The following WDR3 variants were observed in gnomAD, a reference collection of about 807,000 sequenced individuals.
The protein encoded by WDR3 is WD repeat-containing protein 3.
In WDR3, 81 loss-of-function variants were observed where a neutral mutation model predicts 123.7. That is an observed-to-expected ratio of 0.65 (90% CI 0.55 to 0.79). The LOEUF is 0.79. Ranked by LOEUF, WDR3 falls within the 30% of genes least tolerant of loss-of-function variation. WDR3 has a pLI of 0.00. For synonymous variants in WDR3, 390 were observed against 388.8 expected (o/e 1.00, Z -0.04); for missense variants, 1,027 against 1,123.2 (o/e 0.91, Z 1.22).
intron 23 of WDR3, 112 bp downstream of exon 23, chr1:117,954,739 C>T: frequency 9.1e-7 from 1 of 1,093,184 alleles, no homozygotes; most frequent in Non-Finnish European, 1.3e-6. Context: ...AATACTTTGT[C>T]TTCAAAAGTC....
chr1:117,941,323 C>A, intron 8 of WDR3, 98 bp downstream of exon 8: 2 of 1,194,330 alleles, frequency 1.7e-6, no homozygotes, highest in South Asian at 1.4e-5. Context: ...TTTCTTGACT[C>A]ATGTTAATAA....
At chr1:117,952,807 C>T (rs1318490795) in intron 19 of WDR3, 139 bp from the exon 20 acceptor site, 36 of 1,429,508 alleles carry the variant, frequency 2.5e-5, no homozygotes, top group Non-Finnish European at 3.2e-5. Context: ...CATTGTCACC[C>T]ATTTCAGAAG....
chr1:117,949,019 C>T (rs1439906490), intron 13 of WDR3, among the ~76,000 whole-genome samples: 1 of 151,798 alleles, frequency 6.6e-6, no homozygotes, highest in Non-Finnish European at 1.5e-5. Flanking sequence ...AATTTTGGCC[C>T]ATTTATTTAA....
chr1:117,952,176 A>C, intron 17 of WDR3, 100 bp downstream of exon 17: 2 of 1,471,518 alleles, frequency 1.4e-6, no homozygotes, highest in Non-Finnish European at 9.4e-7. Context: ...AGGCAGTGAT[A>C]CAAGTTCTAA....
At position 117,941,789 on chromosome 1, in the gene WDR3, A is replaced by G; in HGVS notation, c.931A>G (p.Lys311Glu). The G allele has an allele frequency of 6.2e-7, 1 of 1,611,184 alleles. No homozygotes were observed. The highest frequency in any genetic ancestry group is 8.5e-7 in the Non-Finnish European group (1 of 1,179,326). The change falls in exon 9 of 27, where the codon AAA (lysine) becomes GAA (glutamate). Residue 311 changes from lysine to glutamate, a missense_variant. Coordinates refer to ENST00000349139, the MANE Select transcript of WDR3 (RefSeq NM_006784.3). ...GCTAGAATTGTTTTGTATCCTTTCC[A>G]AAAAGGAAATTCAGAAGAAAATGGA... ...SVLELFCILS[K>E]KEIQKKMDKK...
In WDR3 at chr1:117,941,796, A is replaced by T. The variant is rs750596339; in HGVS notation, c.938A>T (p.Glu313Val). The T allele has an allele frequency of 6.2e-6, 10 of 1,610,828 alleles. No individual in the cohort carries two copies. The South Asian group carries it at 1.0e-4, about 16-fold the overall frequency. Residue 313 changes from glutamate (E) to valine (V), a missense_variant, in exon 9 of 27, where the codon GAA (glutamate) becomes GTA (valine). By Grantham distance (121) the Glu-to-Val change is moderately radical. Coordinates refer to ENST00000349139, the MANE Select transcript of WDR3 (RefSeq NM_006784.3). ...LELFCILSKK[E>V]IQKKMDKKMK... Reference sequence around the variant, plus strand: ...TTGTTTTGTATCCTTTCCAAAAAGGAAATTCAGAAGAAAATGGATAAGAAG... The same window carrying T: ...TTGTTTTGTATCCTTTCCAAAAAGGTAATTCAGAAGAAAATGGATAAGAAG...
chr1:117,949,296 A>G (rs531029254), intron 13 of WDR3, among the ~76,000 whole-genome samples: 21 of 152,242 alleles, frequency 1.4e-4, no homozygotes, highest in African/African-American at 4.6e-4. Flanking sequence ...CCAGTGTTCT[A>G]TGTACTTTAC....
At chr1:117,943,651 G>C (rs1651264861) in intron 11 of WDR3, 25 bp downstream of exon 11, 1 of 1,603,552 alleles carries the variant, frequency 6.2e-7, no homozygotes, top group Non-Finnish European at 8.5e-7. Context: ...GTTTTATATA[G>C]CTGTAGTTAG....
chr1:117,951,985 CT>C lies in WDR3; in HGVS notation c.1814del (p.Leu605ProfsTer2). ...CTTTTATTTCTCATAGGATGGAGCA[CT>C]CATAGCAACTGGCTCCGCTGATAGG... ...ICMDISHDGA[L>X]IATGSADRNV... On this transcript the variant is annotated frameshift_variant, in exon 17 of 27. Transcript: ENST00000349139. LOFTEE classifies it high-confidence loss of function. 1 of 1,613,010 alleles carries C rather than the reference CT, an allele frequency of 6.2e-7. No homozygotes were observed. The highest frequency in any genetic ancestry group is 8.5e-7 in the Non-Finnish European group (1 of 1,179,268).
In WDR3 at chr1:117,954,552, A is replaced by G; in HGVS notation, c.2362-28A>G. 4 of 1,608,672 alleles carry G rather than the reference A, an allele frequency of 2.5e-6. No homozygotes were observed. The East Asian group carries it at 8.9e-5, about 36-fold the overall frequency. The stretch of plus-strand genomic sequence containing the variant: ...TGCTACCTAAGTCTCAGTTTTTTTA[A>G]TGACTTGATTTAATAATTTCTTCAT... On this transcript the variant is annotated intron_variant, in intron 22 of 26. Coordinates refer to ENST00000349139, the MANE Select transcript of WDR3 (RefSeq NM_006784.3).
chr1:117,938,559 G>T lies in WDR3; in HGVS notation c.579+1G>T. ...AACAATGGTTGGCCACCGGACTGAG[G>T]TAAGTGTAGGGTCATGGGCCCAGGG... On this transcript the variant is annotated splice_donor_variant, in intron 5 of 26. Coordinates refer to ENST00000349139, the MANE Select transcript of WDR3 (RefSeq NM_006784.3). LOFTEE classifies it high-confidence loss of function. 1.2e-6 allele frequency: 2 copies of T among 1,613,006 alleles called. No homozygotes were observed. Among genetic ancestry groups the T allele is most frequent in the Non-Finnish European group, 1.7e-6 (2 of 1,179,166 alleles).
intron 6 of WDR3, among the ~76,000 whole-genome samples, chr1:117,940,125 T>G (rs1651091049): frequency 6.6e-6 from 1 of 152,214 alleles, no homozygotes; most frequent in Non-Finnish European, 1.5e-5. Flanking sequence ...GCTTTTGCAA[T>G]TCCTAATGCC....
intron 15 of WDR3, 79 bp downstream of exon 15, chr1:117,950,209 T>G (rs1012565179): frequency 1.3e-6 from 2 of 1,539,240 alleles, no homozygotes; most frequent in Admixed American, 3.7e-5. Flanking sequence ...TATAAAGAAG[T>G]GGCCTTGACT....
At chr1:117,941,887 T>G (rs200344092) in intron 9 of WDR3, 40 bp downstream of exon 9, 8 of 1,552,030 alleles carry the variant, frequency 5.2e-6, no homozygotes, top group East Asian at 4.7e-5. Context: ...TGAAGTATCC[T>G]GGGTAGGCCC....
Position 117,961,912 on chromosome 1 carries a change from A to G in WDR3, c.*2465A>G, listed in dbSNP as rs913633999. On this transcript the variant is annotated 3_prime_UTR_variant, in exon 27 of 27. Transcript: ENST00000349139. The stretch of plus-strand genomic sequence containing the variant: ...CCAGGGAGAGGAGTTAATTCTTGAA[A>G]AAAAATTTAATTTTTTATGAGAACA... The G allele has an allele frequency of 6.6e-6, 1 of 152,280 alleles. No homozygotes were observed. Among genetic ancestry groups the G allele is most frequent in the Non-Finnish European group, 1.5e-5 (1 of 68,026 alleles). The allele number at this position is 152,280 out of a possible 1,614,324, so 9.4% of individuals were successfully genotyped here. A position where few individuals can be genotyped will look rare whatever the true frequency, so the allele number is the denominator to read the frequency against.
chr1:117,939,105 G>A (rs1279760733), intron 5 of WDR3, among the ~76,000 whole-genome samples: 1 of 152,236 alleles, frequency 6.6e-6, no homozygotes, highest in Non-Finnish European at 1.5e-5. Flanking sequence ...TGAAAGTTAT[G>A]CAATGGACAT....
Position 117,957,115 on chromosome 1 carries a change from A to C in WDR3, c.2501A>C (p.Asp834Ala). The C allele has an allele frequency of 6.2e-7, 1 of 1,611,084 alleles. No individual in the cohort carries two copies. Among genetic ancestry groups the C allele is most frequent in the Non-Finnish European group, 8.5e-7 (1 of 1,178,836 alleles). Residue 834 changes from aspartate (D) to alanine (A), a missense_variant, in exon 25 of 27, where the codon GAC becomes GCC. Asp to Ala is a moderately radical substitution (Grantham distance 126). Transcript: ENST00000349139. ...LLVLPFSYVP[D>A]ILKLFNEFIQ... ...GTGCTGCCTTTCTCTTATGTCCCAG[A>C]CATTCTTAAACTCTTTAACGAATTC...
Position 117,949,766 on chromosome 1 carries a change from G to C in WDR3, c.1540G>C (p.Gly514Arg). ...LSPDQRGFVTGGADKSVKFWD... is the reference protein window; with the variant it reads ...LSPDQRGFVTRGADKSVKFWD... ...TGATTTTCAGCGTGGCTTTGTGACA[G>C]GTGGTGCAGATAAATCTGTCAAATT... The change falls in exon 14 of 27, where the codon GGT becomes CGT. Residue 514 changes from glycine to arginine, a missense_variant. By Grantham distance (125) the Gly-to-Arg change is moderately radical. Coordinates refer to ENST00000349139, the MANE Select transcript of WDR3 (RefSeq NM_006784.3). 1 of 1,613,702 alleles carries C rather than the reference G, an allele frequency of 6.2e-7. No homozygotes were observed. Among genetic ancestry groups the C allele is most frequent in the Non-Finnish European group, 8.5e-7 (1 of 1,179,756 alleles).
chr1:117,959,300 CGGCTTCAATATG>C lies in WDR3; in HGVS notation c.2687_2698del (p.Gly896_Met899del). 1.2e-6 allele frequency: 2 copies of C among 1,610,186 alleles called. No homozygotes were observed. The highest frequency in any genetic ancestry group is 1.7e-6 in the Non-Finnish European group (2 of 1,179,010). Reference sequence around the variant, plus strand: ...CTTGTATTGCACTCCAGGATGTTATCGGCTTCAATATGGCTGGTCTTGATTATCTCAAGAGGG... The same window carrying C: ...CTTGTATTGCACTCCAGGATGTTATCGCTGGTCTTGATTATCTCAAGAGGG... On this transcript the variant is annotated inframe_deletion, in exon 27 of 27. Coordinates refer to ENST00000349139, the MANE Select transcript of WDR3 (RefSeq NM_006784.3).
Sources: gnomAD v4.1 joint callset for allele counts (sites outside exome capture counted in the v4.1 genomes callset) on GRCh38, gnomAD v4.1.1 for gene constraint, MANE v1.5 for transcripts, NCBI Gene and HGNC (gene_info 2026-07-23, HGNC 2026-07-21) for gene names.